ZNF536: variants seen among roughly 807,000 people sequenced by gnomAD.
ZNF536 encodes the protein zinc finger protein 536.
In ZNF536, 13 loss-of-function variants were observed where a neutral mutation model predicts 84.5. That is an observed-to-expected ratio of 0.15 (90% CI 0.10 to 0.24). The LOEUF (loss-of-function observed/expected upper bound fraction) is 0.24. Among genes scored for constraint, ZNF536 ranks in the 10% least tolerant of loss-of-function variants. The probability of loss-of-function intolerance (pLI) is 1.00; values close to 1 mark genes in which losing one functional copy is unlikely to be tolerated. For synonymous variants in ZNF536, 811 were observed against 742.5 expected (o/e 1.09, Z -1.50); for missense variants, 1,536 against 1,747.5 (o/e 0.88, Z 2.16).
At chr19:30,432,389 C>T (rs1228937087) in intron 1 of ZNF536, among the ~76,000 whole-genome samples, 1 of 152,112 alleles carries the variant, frequency 6.6e-6, no homozygotes, top group Admixed American at 6.5e-5. Context: ...CTACTCTCAC[C>T]AAGCTTCCAT....
chr19:30,357,242 T>A (rs903411327), intron 3 of ZNF536, among the ~76,000 whole-genome samples: 1 of 151,852 alleles, frequency 6.6e-6, no homozygotes, highest in Non-Finnish European at 1.5e-5. Flanking sequence ...TAGCTAGAGG[T>A]CTGGAGGACA....
At chr19:30,397,163 T>C (rs2147437091) in intron 1 of ZNF536, among the ~76,000 whole-genome samples, 1 of 152,330 alleles carries the variant, frequency 6.6e-6, no homozygotes. Context: ...GCTGTACCTG[T>C]CCCTGAGTTT....
intron 2 of ZNF536, among the ~76,000 whole-genome samples, chr19:30,290,418 C>T (rs1379470243): frequency 2.6e-5 from 4 of 152,166 alleles, no homozygotes; most frequent in African/African-American, 9.7e-5. Context: ...ACTGGGACTA[C>T]ACGTGCACAC....
chr19:30,570,627 T>C (rs1018952352), intron 1 of ZNF536, among the ~76,000 whole-genome samples: 4 of 152,306 alleles, frequency 2.6e-5, no homozygotes, highest in Admixed American at 6.5e-5. Flanking sequence ...CTGAGAACTA[T>C]ATACAAACGT....
intron 1 of ZNF536, among the ~76,000 whole-genome samples, chr19:30,675,840 T>C (rs4805596): frequency 0.48 from 72,870 of 151,982 alleles, 17,746 homozygotes; most frequent in African/African-American, 0.52. Context: ...TGAGGTCTCA[T>C]GGAAATGCAC....
At chr19:30,540,827 C>T (rs1239945381) in intron 3 of ZNF536, among the ~76,000 whole-genome samples, 3 of 152,276 alleles carry the variant, frequency 2.0e-5, no homozygotes, top group Non-Finnish European at 4.4e-5. Context: ...CTTGTACTCA[C>T]AAGTGGTGTT....
intron 1 of ZNF536, among the ~76,000 whole-genome samples, chr19:30,616,458 T>A (rs1476120518): frequency 5.9e-5 from 9 of 152,248 alleles, no homozygotes; most frequent in Admixed American, 5.9e-4. Context: ...GTGAATCATA[T>A]TAATAGATTG....
At chr19:30,267,756 C>T (rs2025590451) in intron 1 of ZNF536, among the ~76,000 whole-genome samples, 1 of 152,082 alleles carries the variant, frequency 6.6e-6, no homozygotes. Flanking sequence ...TTGACCCTTC[C>T]TTACTTTAGT....
At chr19:30,319,872 T>C (rs962391771) in intron 2 of ZNF536, among the ~76,000 whole-genome samples, 8 of 152,228 alleles carry the variant, frequency 5.3e-5, no homozygotes, top group Non-Finnish European at 1.2e-4. Context: ...GTTGAATTTC[T>C]CATAAATTAA....
chr19:30,448,838 A>G (rs999159348), intron 2 of ZNF536, among the ~76,000 whole-genome samples: 8 of 152,350 alleles, frequency 5.3e-5, no homozygotes, highest in Non-Finnish European at 1.0e-4. Flanking sequence ...TGGCTGTTTA[A>G]AAATGTCTTG....
intron 1 of ZNF536, among the ~76,000 whole-genome samples, chr19:30,594,662 C>T (rs1479079723): frequency 6.6e-6 from 1 of 152,068 alleles, no homozygotes; most frequent in Non-Finnish European, 1.5e-5. Flanking sequence ...CACCAGGGCA[C>T]CCCCTGGGTG....
intron 2 of ZNF536, among the ~76,000 whole-genome samples, chr19:30,456,468 G>A (rs1451556409): frequency 6.6e-6 from 1 of 152,038 alleles, no homozygotes; most frequent in Admixed American, 6.6e-5. Context: ...AGTCCGAGGT[G>A]GCAGAGCTAA....
chr19:30,468,070 T>C (rs1418416751), intron 2 of ZNF536, among the ~76,000 whole-genome samples: 1 of 152,192 alleles, frequency 6.6e-6, no homozygotes, highest in East Asian at 1.9e-4. Context: ...GTGAAAAATG[T>C]GTCACCGCCC....
chr19:30,547,678 T>C (rs556489918), intron 3 of ZNF536, among the ~76,000 whole-genome samples: 1 of 152,354 alleles, frequency 6.6e-6, no homozygotes, highest in East Asian at 1.9e-4. Flanking sequence ...AGCTTTTAAA[T>C]CTACAGCCGT....
intron 2 of ZNF536, among the ~76,000 whole-genome samples, chr19:30,301,715 G>A (rs558649735): frequency 6.6e-5 from 10 of 152,082 alleles, no homozygotes; most frequent in African/African-American, 1.9e-4. Context: ...TGAGCTATTC[G>A]TTTCGATTAA....
At chr19:30,486,320 C>G (rs908186246) in intron 2 of ZNF536, among the ~76,000 whole-genome samples, 3 of 152,166 alleles carry the variant, frequency 2.0e-5, no homozygotes, top group South Asian at 4.1e-4. Context: ...TCTTATCGTT[C>G]AGCTCCCACT....
rs551271418 is a variant in ZNF536, at chr19:30,604,277, C to CT, written c.169+54771dup. 2.4e-4 allele frequency among the ~76,000 whole-genome samples: 36 copies of CT among 151,672 alleles called. No homozygotes were observed. In the East Asian group the frequency reaches 5.8e-3, roughly 25 times the overall value. On this transcript the variant is annotated intron_variant, in intron 1 of 1. Transcript: ENST00000592773. ...TGGCTGCCAGTAATATGTTATTAAG[C>CT]TTTTTTTTAAGTTACAGAAAATATA... is the stretch of plus-strand genomic sequence containing the variant.
At chr19:30,429,111 C>T (rs1329652346) in intron 1 of ZNF536, among the ~76,000 whole-genome samples, 1 of 152,148 alleles carries the variant, frequency 6.6e-6, no homozygotes, top group Non-Finnish European at 1.5e-5. Flanking sequence ...GGATCCAGGC[C>T]CACTGATGTA....
intron 1 of ZNF536, among the ~76,000 whole-genome samples, chr19:30,695,484 G>C (rs1438124030): frequency 6.6e-6 from 1 of 152,180 alleles, no homozygotes. Context: ...CTGCAGACTG[G>C]GTCCTGAGAA....
Sources: gnomAD v4.1 joint callset for allele counts (sites outside exome capture counted in the v4.1 genomes callset) on GRCh38, gnomAD v4.1.1 for gene constraint, MANE v1.5 for transcripts, NCBI Gene and HGNC (gene_info 2026-07-23, HGNC 2026-07-21) for gene names.